Variants in MYH15 observed in about 807,000 individuals in gnomAD.
MYH15 encodes myosin heavy chain 15.
In MYH15, 227 loss-of-function variants were observed where a neutral mutation model predicts 240.5. The observed-to-expected ratio is 0.94, with a 90% CI of 0.85 to 1.05. The LOEUF is 1.05. Ranked by LOEUF, MYH15 falls within the 50% of genes least tolerant of loss-of-function variation. The probability of loss-of-function intolerance (pLI) is 0.00; values close to 1 mark genes in which losing one functional copy is unlikely to be tolerated. For synonymous variants in MYH15, 785 were observed against 796.7 expected, an observed-to-expected ratio of 0.99 and a Z score of 0.25; for missense variants, 2,217 against 2,247.5, an observed-to-expected ratio of 0.99 and a Z score of 0.27.
intron 2 of MYH15, among the ~76,000 whole-genome samples, chr3:108,504,408 A>G (rs1277437886): frequency 6.6e-6 from 1 of 152,224 alleles, no homozygotes; most frequent in African/African-American, 2.4e-5. Context: ...CGTAACAGAT[A>G]TTGACTGTCA....
At chr3:108,515,753 CTG>C (rs1434081410) in intron 1 of MYH15, among the ~76,000 whole-genome samples, 1 of 152,214 alleles carries the variant, frequency 6.6e-6, no homozygotes, top group East Asian at 1.9e-4. Context: ...TCTTTGCACA[CTG>C]TGCTAAATAT....
Position 108,470,036 on chromosome 3 carries a change from T to C in MYH15, c.1554+6A>G, listed in dbSNP as rs779666345. 6.3e-6 allele frequency: 10 copies of C among 1,590,676 alleles called. No homozygotes were observed. The highest frequency in any genetic ancestry group is 1.9e-5 in the Admixed American group (1 of 53,486). ...GAAAATGGACAAAGAGAAAAACATA[T>C]ATTACCTTCTCAATGAGATCTATGC... On this transcript the variant is annotated splice_donor_region_variant and intron_variant, in intron 14 of 40. Transcript: ENST00000693548.
At position 108,391,923 on chromosome 3, in the gene MYH15, T is replaced by A. The variant is rs1012454161; in HGVS notation, c.5267A>T (p.Asn1756Ile). 3 of 1,613,854 alleles carry A rather than the reference T, an allele frequency of 1.9e-6. No individual in the cohort carries two copies. The highest frequency in any genetic ancestry group is 3.3e-5 in the Admixed American group (2 of 59,970). ...KAKKAAIEAA[N>I]LSEELKKKQD... Reference sequence around the variant, plus strand: ...CTTCTTCTTCAGTTCTTCTGACAAGTTTGCTGCCTAGGGGGTTAAAAAAAG... The same window carrying A: ...CTTCTTCTTCAGTTCTTCTGACAAGATTGCTGCCTAGGGGGTTAAAAAAAG... Residue 1756 changes from asparagine to isoleucine, a missense_variant, in exon 37 of 41, where the codon AAC becomes ATC. By Grantham distance (149) the Asn-to-Ile change is moderately radical (BLOSUM62 -3). Transcript: ENST00000693548.
At chr3:108,514,278 T>G (rs1336449830), upstream of MYH15, among the ~76,000 whole-genome samples, 1 of 152,140 alleles carries the variant, frequency 6.6e-6, no homozygotes, top group Non-Finnish European at 1.5e-5. Context: ...AACAAGTTGG[T>G]CAACCTACTT....
At chr3:108,399,296 G>A in intron 33 of MYH15, 29 bp from the exon 34 acceptor site, 1 of 1,543,664 alleles carries the variant, frequency 6.5e-7, no homozygotes, top group Non-Finnish European at 8.9e-7. Flanking sequence ...TGGAGTGGGG[G>A]AAATGACACA....
intron 30 of MYH15, among the ~76,000 whole-genome samples, chr3:108,411,737 C>G (rs2082594713): frequency 6.6e-6 from 1 of 152,196 alleles, no homozygotes; most frequent in Admixed American, 6.5e-5. Flanking sequence ...ATGAAAAGTA[C>G]TGTATGTACC....
intron 27 of MYH15, among the ~76,000 whole-genome samples, chr3:108,425,870 T>C (rs2082721223): frequency 6.6e-6 from 1 of 152,178 alleles, no homozygotes; most frequent in Non-Finnish European, 1.5e-5. Flanking sequence ...AAACAGACAG[T>C]AAAGGCAATT....
intron 10 of MYH15, among the ~76,000 whole-genome samples, chr3:108,485,638 T>G (rs1484785087): frequency 6.6e-6 from 1 of 152,142 alleles, no homozygotes; most frequent in Non-Finnish European, 1.5e-5. Context: ...GGAGACACAT[T>G]TCAAAGACTG....
At chr3:108,447,620 A>G (rs1471465651) in intron 21 of MYH15, among the ~76,000 whole-genome samples, 1 of 152,046 alleles carries the variant, frequency 6.6e-6, no homozygotes, top group Non-Finnish European at 1.5e-5. Context: ...GAAATACTGT[A>G]TCCAGCAAGG....
At chr3:108,455,935 G>C (rs1200769566) in intron 19 of MYH15, 76 bp from the exon 20 acceptor site, 7 of 1,404,412 alleles carry the variant, frequency 5.0e-6, no homozygotes, top group Non-Finnish European at 6.9e-6. Flanking sequence ...AGACAAATGA[G>C]GTGAAAGGAG....
At chr3:108,547,959 T>C in the MYH15 span, among the ~76,000 whole-genome samples, 1 of 152,178 alleles carries the variant, frequency 6.6e-6, no homozygotes, top group African/African-American at 2.4e-5. Flanking sequence ...TATTGGTGCA[T>C]GCAAAGAGGT....
Position 108,421,229 on chromosome 3 carries a change from A to G in MYH15, c.3703-15T>C. ...TCAGCATTTGCCTATAAGTTGAGAA[A>G]GAAGGGCTGGTCAGGGCTCACAGAG... On this transcript the variant is annotated splice_polypyrimidine_tract_variant and intron_variant, in intron 27 of 40. Coordinates refer to ENST00000693548, the MANE Select transcript of MYH15 (RefSeq NM_014981.3). The G allele has an allele frequency of 6.2e-7, 1 of 1,609,020 alleles. No individual in the cohort carries two copies. The highest frequency in any genetic ancestry group is 8.5e-7 in the Non-Finnish European group (1 of 1,179,318).
intron 1 of MYH15, among the ~76,000 whole-genome samples, chr3:108,522,340 C>A (rs56089562): frequency 0.13 from 19,524 of 151,946 alleles, 1,436 homozygotes; most frequent in South Asian, 0.27. Context: ...CCTGGAGATT[C>A]AAATTTTTCC....
intron 25 of MYH15, among the ~76,000 whole-genome samples, chr3:108,432,294 G>A (rs1267921780): frequency 1.3e-5 from 2 of 152,060 alleles, no homozygotes; most frequent in African/African-American, 4.8e-5. Context: ...CCTGAGCTCA[G>A]GCAATCTGGC....
chr3:108,463,352 T>C lies in MYH15; in HGVS notation c.1732-109A>G. On this transcript the variant is annotated intron_variant, in intron 15 of 40. Transcript: ENST00000693548. ...TTTTTTGAGACAGGGTCTCATTCTG[T>C]TATCCAGGCTAGAATGCAGTGGCAT... The C allele has an allele frequency of 3.3e-6, 4 of 1,206,612 alleles. No individual in the cohort carries two copies. In the South Asian group the frequency reaches 4.6e-5, roughly 14 times the overall value. 74.7% of individuals were successfully genotyped at this position (1,206,612 alleles called of 1,614,324 possible). A position where few individuals can be genotyped will look rare whatever the true frequency, so the allele number is the denominator to read the frequency against.
the MYH15 span, among the ~76,000 whole-genome samples, chr3:108,535,073 C>T: frequency 6.6e-6 from 1 of 152,098 alleles, no homozygotes; most frequent in Non-Finnish European, 1.5e-5. Context: ...GAAGACAATG[C>T]AGCATTGGTA....
Position 108,416,891 on chromosome 3 carries a change from A to T in MYH15, c.3869T>A (p.Ile1290Lys). ...GCTCTTTTCCCTGGAAAGTTGGTTT[A>T]TCAGAGCCTCCTTCTCTTCAAGCCT... is the stretch of plus-strand genomic sequence containing the variant. ...LRRLEEKEAL[I>K]NQLSREKSNF... Residue 1290 changes from isoleucine to lysine, a missense_variant, in exon 29 of 41, where the codon ATA (isoleucine) becomes AAA (lysine). Ile to Lys is a moderately radical substitution (Grantham distance 102). Coordinates refer to ENST00000693548, the MANE Select transcript of MYH15 (RefSeq NM_014981.3). 1 of 1,614,080 alleles carries T rather than the reference A, an allele frequency of 6.2e-7. No homozygotes were observed. The highest frequency in any genetic ancestry group is 8.5e-7 in the Non-Finnish European group (1 of 1,179,956).
chr3:108,550,976 T>A, the MYH15 span: 1 of 379,284 alleles, frequency 2.6e-6, no homozygotes, highest in Non-Finnish European at 4.6e-6. Flanking sequence ...AAAATTAAAT[T>A]TCTATTCAAA....
At chr3:108,394,280 T>C (rs1576205397) in intron 35 of MYH15, 124 bp from the exon 36 acceptor site, 1 of 1,266,846 alleles carries the variant, frequency 7.9e-7, no homozygotes, top group Non-Finnish European at 1.1e-6. Context: ...TAGTGAGCCA[T>C]AGTCCCTTAA....
Sources: gnomAD v4.1 joint callset for allele counts (sites outside exome capture counted in the v4.1 genomes callset) on GRCh38, gnomAD v4.1.1 for gene constraint, MANE v1.5 for transcripts, NCBI Gene and HGNC (gene_info 2026-07-23, HGNC 2026-07-21) for gene names.